PCDHA7: variants seen among roughly 807,000 people sequenced by gnomAD.
PCDHA7 encodes protocadherin alpha 7.
Under a neutral mutation model 57.2 loss-of-function variants are expected in PCDHA7, and 37 were observed. The ratio of observed to expected loss-of-function variants is 0.65; its 90% CI spans 0.50 to 0.85. The LOEUF (loss-of-function observed/expected upper bound fraction) is 0.85. PCDHA7 is among the 40% of genes least tolerant of loss of function. PCDHA7 has a pLI of 0.00. For missense variants in PCDHA7, 1,188 were observed against 1,241.8 expected (o/e 0.96, Z 0.65); for synonymous variants, 553 against 558.8 (o/e 0.99, Z 0.15).
chr5:140,857,278 C>A lies in PCDHA7; in HGVS notation c.2355+20540C>A, dbSNP rs541123870. On this transcript the variant is annotated intron_variant, in intron 1 of 3. Transcript: ENST00000525929. ...ATTACTACTCATTGGTGCTGGACAGCGCTCTGGACCGCGAGAGGGTGTCGG... is the reference window on the plus strand; with the variant it reads ...ATTACTACTCATTGGTGCTGGACAGAGCTCTGGACCGCGAGAGGGTGTCGG... The A allele has an allele frequency of 1.8e-5, 29 of 1,598,570 alleles. 3 individuals are homozygous for A. The highest frequency in any genetic ancestry group is 1.7e-4 in the Middle Eastern group (1 of 5,938).
Position 141,009,922 on chromosome 5 carries a change from C to G in PCDHA7, c.2799C>G (p.Asp933Glu), listed in dbSNP as rs1554262572. 6.2e-7 allele frequency: 1 copy of G among 1,608,774 alleles called. No individual in the cohort carries two copies. Among genetic ancestry groups the G allele is most frequent in the South Asian group, 1.1e-5 (1 of 90,050 alleles). The change falls in exon 4 of 4, where the codon GAC becomes GAG. Residue 933 changes from aspartate to glutamate, a missense_variant. Coordinates refer to ENST00000525929, the MANE Select transcript of PCDHA7 (RefSeq NM_018910.3). ...AAGAGAAAGGGAACAGCACGACTGACAACAGTGACCAGTGAGGTCCTCAAA... is the reference window on the plus strand; with the variant it reads ...AAGAGAAAGGGAACAGCACGACTGAGAACAGTGACCAGTGAGGTCCTCAAA... ...EKKEKGNSTT[D>E]NSDQ
chr5:140,992,382 G>A (rs1275662967), intron 3 of PCDHA7, among the ~76,000 whole-genome samples: 3 of 152,140 alleles, frequency 2.0e-5, no homozygotes, highest in Non-Finnish European at 4.4e-5. Flanking sequence ...ACATTATTGT[G>A]TTCTGGACTT....
At chr5:140,927,295 G>T (rs1343982131) in intron 1 of PCDHA7, 2 of 1,614,032 alleles carry the variant, frequency 1.2e-6, no homozygotes, top group African/African-American at 2.7e-5. Context: ...GCACATCCCC[G>T]AGTTCCTGAC....
intron 1 of PCDHA7, chr5:140,967,797 C>T: frequency 6.2e-7 from 1 of 1,614,184 alleles, no homozygotes; most frequent in East Asian, 2.2e-5. Flanking sequence ...GGTCCAGTGC[C>T]CATGGCAGGT....
chr5:140,849,289 A>G, intron 1 of PCDHA7: 1 of 1,220,472 alleles, frequency 8.2e-7, no homozygotes, highest in Non-Finnish European at 1.1e-6. Context: ...ATTCACCCCA[A>G]TGCCTCAGAT....
At chr5:140,855,964 T>C in intron 1 of PCDHA7, 3 of 1,408,442 alleles carry the variant, frequency 2.1e-6, no homozygotes, top group Admixed American at 2.3e-5. Context: ...AAAAAATAGA[T>C]ATAAGAAATA....
At chr5:140,859,397 A>C in intron 1 of PCDHA7, 1 of 262,266 alleles carries the variant, frequency 3.8e-6, no homozygotes, top group Non-Finnish European at 6.9e-6. Flanking sequence ...CATCTTAAAC[A>C]GGGTTGGGTT....
At chr5:140,953,127 G>T (rs909395659) in intron 1 of PCDHA7, among the ~76,000 whole-genome samples, 8 of 152,178 alleles carry the variant, frequency 5.3e-5, no homozygotes, top group African/African-American at 1.4e-4. Flanking sequence ...GATCTAAACC[G>T]TATCACTGTT....
intron 1 of PCDHA7, among the ~76,000 whole-genome samples, chr5:140,895,206 A>G (rs948962776): frequency 6.6e-6 from 1 of 151,808 alleles, no homozygotes; most frequent in Non-Finnish European, 1.5e-5. Flanking sequence ...ATTTGCTTTT[A>G]TTTCTAATAT....
chr5:140,909,255 C>G (rs1583695279), intron 1 of PCDHA7, among the ~76,000 whole-genome samples: 1 of 152,210 alleles, frequency 6.6e-6, no homozygotes, highest in African/African-American at 2.4e-5. Context: ...GCTGGCCTTG[C>G]TGACTGAAGG....
In PCDHA7 at chr5:140,951,072, T is replaced by G. The variant is rs551891980; in HGVS notation, c.2356-27877T>G. Among the ~76,000 whole-genome samples the G allele has an allele frequency of 1.1e-4, 16 of 152,184 alleles. No individual in the cohort carries two copies. The South Asian group carries it at 3.1e-3, about 30-fold the overall frequency. ...ATTGCTAAAATTTCCATTGGCTTTCTTATATTTTCCTTTTTTTCTGATAAG... is the reference window on the plus strand; with the variant it reads ...ATTGCTAAAATTTCCATTGGCTTTCGTATATTTTCCTTTTTTTCTGATAAG... On this transcript the variant is annotated intron_variant, in intron 1 of 3. Transcript: ENST00000525929.
chr5:140,921,471 A>G (rs2080231314), intron 1 of PCDHA7, among the ~76,000 whole-genome samples: 1 of 152,182 alleles, frequency 6.6e-6, no homozygotes, highest in Non-Finnish European at 1.5e-5. Context: ...ACCACTACCA[A>G]ACCACTCTAC....
At chr5:140,960,823 G>A (rs370898808) in intron 1 of PCDHA7, among the ~76,000 whole-genome samples, 2 of 152,012 alleles carry the variant, frequency 1.3e-5, no homozygotes, top group East Asian at 3.9e-4. Context: ...AGTGATGAAT[G>A]GAAACTTGGA....
rs562713934 is a variant in PCDHA7, at chr5:140,967,172, G to A, written c.2356-11777G>A. 1.1e-5 allele frequency: 17 copies of A among 1,612,080 alleles called. No individual in the cohort carries two copies. The highest frequency in any genetic ancestry group is 2.2e-5 in the East Asian group (1 of 44,778). On this transcript the variant is annotated intron_variant, in intron 1 of 3. Coordinates refer to ENST00000525929, the MANE Select transcript of PCDHA7 (RefSeq NM_018910.3). ...CCCCGTGGCGGTGAGCGCCGTTGAG[G>A]TGGAAATATTGGACATCAACGACAA...
At chr5:140,928,326 C>T (rs1554205788) in intron 1 of PCDHA7, 1 of 1,614,162 alleles carries the variant, frequency 6.2e-7, no homozygotes, top group Non-Finnish European at 8.5e-7. Context: ...GGAAGAATGG[C>T]CTTGTCTCTT....
intron 1 of PCDHA7, among the ~76,000 whole-genome samples, chr5:140,879,279 A>G (rs2057928398): frequency 2.0e-5 from 3 of 152,250 alleles, no homozygotes; most frequent in East Asian, 3.8e-4. Flanking sequence ...CAGACTCAAT[A>G]CAAATGATAA....
At chr5:140,962,790 C>T (rs899867239) in intron 1 of PCDHA7, among the ~76,000 whole-genome samples, 28 of 152,286 alleles carry the variant, frequency 1.8e-4, no homozygotes, top group African/African-American at 6.0e-4. Flanking sequence ...TTAAAAACTA[C>T]TTTGGACAAC....
chr5:140,884,459 G>T (rs530412188), intron 1 of PCDHA7: 2 of 1,613,754 alleles, frequency 1.2e-6, no homozygotes, highest in South Asian at 2.2e-5. Flanking sequence ...CACCGAGGGC[G>T]CGTGCGCGCC....
At chr5:140,853,868 T>C (rs2042891681) in intron 1 of PCDHA7, 1 of 983,114 alleles carries the variant, frequency 1.0e-6, no homozygotes, top group South Asian at 4.7e-5. Flanking sequence ...TACTTGACAG[T>C]GCAAGTTTCT....
Sources: allele counts gnomAD v4.1 joint callset (sites outside exome capture counted in the v4.1 genomes callset), GRCh38; gene constraint gnomAD v4.1.1; transcripts MANE v1.5; gene names NCBI Gene and HGNC (gene_info 2026-07-23, HGNC 2026-07-21).